Variants in SHISA9 observed in about 807,000 individuals in gnomAD.
SHISA9 encodes the protein shisa family member 9, also known as protein shisa-9.
In SHISA9, 13 loss-of-function variants were observed where a neutral mutation model predicts 38.0. That is an observed-to-expected ratio of 0.34 (90% CI 0.22 to 0.54). The LOEUF (loss-of-function observed/expected upper bound fraction) is 0.54, where lower values mean the gene tolerates loss of function less well. SHISA9 is among the 20% of genes least tolerant of loss of function. SHISA9 has a pLI of 0.91. For missense variants in SHISA9, 538 were observed against 575.8 expected (o/e 0.93, Z 0.67); for synonymous variants, 275 against 242.0 (o/e 1.14, Z -1.27).
chr16:13,395,007 T>G, the SHISA9 span, among the ~76,000 whole-genome samples: 6,014 of 151,826 alleles, frequency 0.04, 250 homozygotes, highest in African/African-American at 0.1. Context: ...GGTTGGTTTA[T>G]CTTATGAAAT....
chr16:13,448,839 G>A, the SHISA9 span, among the ~76,000 whole-genome samples: 3 of 152,186 alleles, frequency 2.0e-5, no homozygotes, highest in East Asian at 1.9e-4. Flanking sequence ...GTGTGGCTCC[G>A]TGGGTGCCCT....
intron 2 of SHISA9, among the ~76,000 whole-genome samples, chr16:13,132,228 C>T (rs1415650182): frequency 6.6e-6 from 1 of 152,058 alleles, no homozygotes; most frequent in African/African-American, 2.4e-5. Context: ...TTAGTTGCCT[C>T]ATTTGTAGAA....
At chr16:13,555,869 A>T in the SHISA9 span, among the ~76,000 whole-genome samples, 1 of 152,210 alleles carries the variant, frequency 6.6e-6, no homozygotes, top group African/African-American at 2.4e-5. Flanking sequence ...CTGGGGAGGT[A>T]GGACTTTGGG....
chr16:13,233,885 G>T (rs1229112517), intron 4 of SHISA9, among the ~76,000 whole-genome samples: 1 of 152,094 alleles, frequency 6.6e-6, no homozygotes, highest in Non-Finnish European at 1.5e-5. Flanking sequence ...GTGTGGTGAT[G>T]CTTGCCTGTG....
intron 2 of SHISA9, among the ~76,000 whole-genome samples, chr16:12,950,702 G>A (rs1483168929): frequency 1.3e-5 from 2 of 151,258 alleles, no homozygotes; most frequent in Non-Finnish European, 2.9e-5. Flanking sequence ...TCCACCTCCC[G>A]GGTTCAAGCT....
intron 2 of SHISA9, among the ~76,000 whole-genome samples, chr16:12,961,662 T>C (rs1419091022): frequency 6.6e-6 from 1 of 152,116 alleles, no homozygotes; most frequent in Admixed American, 6.6e-5. Flanking sequence ...AGTGACCGCA[T>C]CATATATTAC....
chr16:13,288,031 C>T, the SHISA9 span, among the ~76,000 whole-genome samples: 1 of 152,102 alleles, frequency 6.6e-6, no homozygotes, highest in Non-Finnish European at 1.5e-5. Flanking sequence ...TCTGAGGGAA[C>T]TATTCCATAG....
At chr16:12,910,947 CTTACTGCCATTAGAATGCAACCTGTT>C (rs2071175344) in intron 1 of SHISA9, 1 of 169,606 alleles carries the variant, frequency 5.9e-6, no homozygotes, top group African/African-American at 2.4e-5. Context: ...GGCAATCTGT[CTTACTGCCATTAGAATGCAACCTGTT>C]TTACTTAGCT....
intron 2 of SHISA9, among the ~76,000 whole-genome samples, chr16:13,138,040 T>A (rs1311489717): frequency 1.3e-5 from 2 of 152,212 alleles, no homozygotes; most frequent in Non-Finnish European, 2.9e-5. Context: ...CCAGAGATTC[T>A]GACTCGGTGG....
At chr16:13,438,382 A>T in the SHISA9 span, among the ~76,000 whole-genome samples, 3 of 152,052 alleles carry the variant, frequency 2.0e-5, no homozygotes, top group South Asian at 2.1e-4. Context: ...TATCACAGAG[A>T]CCTAACAGCA....
chr16:13,191,321 A>G (rs187817902), intron 2 of SHISA9, among the ~76,000 whole-genome samples: 87 of 152,320 alleles, frequency 5.7e-4, no homozygotes, highest in Non-Finnish European at 8.7e-4. Context: ...TTTTGAGGCA[A>G]TGGAACAATC....
At chr16:13,048,227 A>T (rs928669050) in intron 2 of SHISA9, among the ~76,000 whole-genome samples, 1 of 152,236 alleles carries the variant, frequency 6.6e-6, no homozygotes, top group South Asian at 2.1e-4. Context: ...ATCTCAAAGT[A>T]TGATGATGAA....
rs1039290440 is a variant in SHISA9, at chr16:12,908,417, A to G, written c.563+5790A>G. 24 of 1,543,370 alleles carry G rather than the reference A, an allele frequency of 1.6e-5. 1 individual carries two copies. Among genetic ancestry groups the G allele is most frequent in the Admixed American group, 9.9e-5 (5 of 50,526 alleles). On this transcript the variant is annotated intron_variant, in intron 1 of 4. Transcript: ENST00000558583. ...TTGAAAAATCCTTGTTGGTTTTGCA[A>G]TTTTGCCATAAGCTTATGTGTAAAT...
intron 2 of SHISA9, among the ~76,000 whole-genome samples, chr16:13,093,490 C>T (rs961540436): frequency 1.3e-5 from 2 of 152,116 alleles, no homozygotes; most frequent in African/African-American, 4.8e-5. Context: ...TCATGGATTT[C>T]CAGATAAGGA....
chr16:12,945,311 A>C lies in SHISA9; in HGVS notation c.691+28496A>C, dbSNP rs138113820. Among the ~76,000 whole-genome samples the C allele has an allele frequency of 2.2e-4, 33 of 152,298 alleles. No homozygotes were observed. In the East Asian group the frequency reaches 5.6e-3, roughly 26 times the overall value. Reference sequence around the variant, plus strand: ...CACAGCACATACGGCAGCCCCTCACAGGTAAGAATTATCCACTCTGAATGC... The same window carrying C: ...CACAGCACATACGGCAGCCCCTCACCGGTAAGAATTATCCACTCTGAATGC... On this transcript the variant is annotated intron_variant, in intron 2 of 4. Coordinates refer to ENST00000558583, the MANE Select transcript of SHISA9 (RefSeq NM_001145204.3).
At chr16:13,046,451 T>C (rs568421864) in intron 2 of SHISA9, among the ~76,000 whole-genome samples, 2 of 152,334 alleles carry the variant, frequency 1.3e-5, no homozygotes, top group African/African-American at 4.8e-5. Context: ...ATTCTTATTA[T>C]GGCTTTGTAG....
intron 2 of SHISA9, among the ~76,000 whole-genome samples, chr16:13,042,238 T>C (rs937660106): frequency 2.6e-5 from 4 of 152,170 alleles, no homozygotes; most frequent in African/African-American, 4.8e-5. Flanking sequence ...GAACTGTGTG[T>C]TCATGTTGAT....
At chr16:13,390,242 G>A in the SHISA9 span, among the ~76,000 whole-genome samples, 8 of 151,950 alleles carry the variant, frequency 5.3e-5, no homozygotes, top group Non-Finnish European at 7.4e-5. Flanking sequence ...AGTGAACCAT[G>A]ACATCAGAAG....
chr16:13,378,382 C>G, the SHISA9 span, among the ~76,000 whole-genome samples: 1 of 152,176 alleles, frequency 6.6e-6, no homozygotes, highest in Admixed American at 6.5e-5. Flanking sequence ...ACATTCCAAG[C>G]AGCCCTGGCA....
Sources: allele counts gnomAD v4.1 joint callset (sites outside exome capture counted in the v4.1 genomes callset), GRCh38; gene constraint gnomAD v4.1.1; transcripts MANE v1.5; gene names NCBI Gene and HGNC (gene_info 2026-07-23, HGNC 2026-07-21).